Variants in PTPRD observed in about 807,000 individuals in gnomAD.
The protein encoded by PTPRD is protein tyrosine phosphatase receptor type D, also known as receptor-type tyrosine-protein phosphatase delta.
A neutral mutation model predicts 214.5 loss-of-function variants in PTPRD; 34 were observed. That is an observed-to-expected ratio of 0.16 (90% CI 0.12 to 0.21). PTPRD has a LOEUF of 0.21. Among genes scored for constraint, PTPRD ranks in the 10% least tolerant of loss-of-function variants. PTPRD has a pLI of 1.00. For synonymous variants in PTPRD, 1,128 were observed against 845.7 expected, an observed-to-expected ratio of 1.33 and a Z score of -5.79; for missense variants, 2,545 against 2,398.7, an observed-to-expected ratio of 1.06 and a Z score of -1.27.
At chr9:10,511,938 ATATATATACGTGTGTG>A (rs1260880806) in intron 2 of PTPRD, among the ~76,000 whole-genome samples, 19 of 70,302 alleles carry the variant, frequency 2.7e-4, no homozygotes, top group East Asian at 2.5e-3. Context: ...ATACGTGTAT[ATATATATACGTGTGTG>A]TATATATATA....
chr9:8,652,327 G>C (rs1276352197), intron 12 of PTPRD, among the ~76,000 whole-genome samples: 3 of 152,078 alleles, frequency 2.0e-5, no homozygotes, highest in Non-Finnish European at 2.9e-5. Flanking sequence ...ATTTAAGTTG[G>C]TTTTGTGACA....
intron 3 of PTPRD, among the ~76,000 whole-genome samples, chr9:10,140,470 C>A (rs7466436): frequency 6.6e-6 from 1 of 151,942 alleles, no homozygotes; most frequent in Non-Finnish European, 1.5e-5. Flanking sequence ...AGTATAAACA[C>A]CTCTACGCAA....
At chr9:8,457,304 C>G (rs533205273) in intron 33 of PTPRD, among the ~76,000 whole-genome samples, 1 of 152,144 alleles carries the variant, frequency 6.6e-6, no homozygotes, top group East Asian at 1.9e-4. Context: ...ACTATCTTAT[C>G]TCTGGAATGT....
chr9:9,022,934 G>A (rs1248858905), intron 10 of PTPRD, among the ~76,000 whole-genome samples: 1 of 152,084 alleles, frequency 6.6e-6, no homozygotes, highest in African/African-American at 2.4e-5. Context: ...TTTCATGGCT[G>A]GCATGACTGG....
chr9:8,827,035 C>T (rs1186268623), intron 11 of PTPRD, among the ~76,000 whole-genome samples: 1 of 151,994 alleles, frequency 6.6e-6, no homozygotes, highest in Non-Finnish European at 1.5e-5. Context: ...TCTACCCCTA[C>T]ACACACACAT....
At chr9:9,963,321 G>A (rs1168484161) in intron 4 of PTPRD, among the ~76,000 whole-genome samples, 2 of 151,928 alleles carry the variant, frequency 1.3e-5, no homozygotes, top group African/African-American at 4.8e-5. Flanking sequence ...AGTCTATTTG[G>A]CACTCAATAG....
In PTPRD at chr9:9,244,762, C is replaced by A. The variant is rs574026700; in HGVS notation, c.-202-61399G>T. ...ATGTCTAAAACACCAAAAGCAATGG[C>A]AACAAAAGCCAAAATTGACAAATGG... is the stretch of plus-strand genomic sequence containing the variant. On this transcript the variant is annotated intron_variant, in intron 9 of 45. Transcript: ENST00000381196. Among the ~76,000 whole-genome samples the A allele has an allele frequency of 1.7e-3, 255 of 152,130 alleles. 1 individual carries two copies. Among genetic ancestry groups the A allele is most frequent in the African/African-American group, 6.0e-3 (247 of 41,512 alleles).
intron 3 of PTPRD, among the ~76,000 whole-genome samples, chr9:10,282,390 T>C (rs1310174825): frequency 1.3e-5 from 2 of 152,168 alleles, no homozygotes; most frequent in Non-Finnish European, 2.9e-5. Flanking sequence ...GAAACAAGGA[T>C]ACTTTTTCAC....
chr9:8,694,338 A>C (rs2097864094), intron 12 of PTPRD, among the ~76,000 whole-genome samples: 1 of 152,152 alleles, frequency 6.6e-6, no homozygotes, highest in African/African-American at 2.4e-5. Context: ...CAGAATCCAT[A>C]GAGGTATCCA....
chr9:9,341,255 C>T (rs377529788), intron 9 of PTPRD, among the ~76,000 whole-genome samples: 3 of 152,066 alleles, frequency 2.0e-5, no homozygotes, highest in African/African-American at 7.2e-5. Context: ...TATTTAACCT[C>T]CATCTGTAGG....
At chr9:9,575,879 G>C (rs959983266) in intron 7 of PTPRD, among the ~76,000 whole-genome samples, 3 of 151,492 alleles carry the variant, frequency 2.0e-5, no homozygotes, top group Admixed American at 2.0e-4. Flanking sequence ...CATCAAGTTT[G>C]TTTAATGCTT....
Position 8,851,774 on chromosome 9 carries a change from A to C in PTPRD, c.-103-117828T>G, listed in dbSNP as rs142173227. 1.9e-4 allele frequency among the ~76,000 whole-genome samples: 29 copies of C among 152,294 alleles called. No individual in the cohort carries two copies. In the East Asian group the frequency reaches 4.8e-3, roughly 25 times the overall value. ...CTCCATTTTACAGATGATGAAACTAAGATTCTGAAATGTTTTATCATTTCC... is the reference window on the plus strand; with the variant it reads ...CTCCATTTTACAGATGATGAAACTACGATTCTGAAATGTTTTATCATTTCC... On this transcript the variant is annotated intron_variant, in intron 11 of 45. Transcript: ENST00000381196.
rs142791365 is a variant in PTPRD, at chr9:10,320,440, C to G, written c.-545+20523G>C. 3.3e-3 allele frequency among the ~76,000 whole-genome samples: 503 copies of G among 152,092 alleles called. 5 individuals carry two copies. The highest frequency in any genetic ancestry group is 0.012 in the African/African-American group (480 of 41,524). Reference sequence around the variant, plus strand: ...CTCCTAAAAAGGTAGAATAAAGCATCATTATTTTTTAGTCAACTGCTTTGT... The same window carrying G: ...CTCCTAAAAAGGTAGAATAAAGCATGATTATTTTTTAGTCAACTGCTTTGT... On this transcript the variant is annotated intron_variant, in intron 3 of 45. Coordinates refer to ENST00000381196, the MANE Select transcript of PTPRD (RefSeq NM_002839.4).
At chr9:8,647,831 T>C (rs2096727609) in intron 12 of PTPRD, among the ~76,000 whole-genome samples, 1 of 152,126 alleles carries the variant, frequency 6.6e-6, no homozygotes, top group South Asian at 2.1e-4. Flanking sequence ...CTGTCCAAAA[T>C]AATGAATTGC....
At chr9:10,082,115 C>A (rs1029681772) in intron 3 of PTPRD, among the ~76,000 whole-genome samples, 4 of 152,062 alleles carry the variant, frequency 2.6e-5, no homozygotes, top group Non-Finnish European at 5.9e-5. Flanking sequence ...AAATGAACCT[C>A]TTCATTATAA....
At chr9:10,378,280 T>C (rs753239365) in intron 2 of PTPRD, among the ~76,000 whole-genome samples, 1 of 152,066 alleles carries the variant, frequency 6.6e-6, no homozygotes, top group Non-Finnish European at 1.5e-5. Context: ...TTTACTTTGT[T>C]AATGGTCTCC....
intron 2 of PTPRD, among the ~76,000 whole-genome samples, chr9:10,444,611 A>C (rs916673183): frequency 6.6e-6 from 1 of 151,864 alleles, no homozygotes; most frequent in Non-Finnish European, 1.5e-5. Flanking sequence ...ATTATATGAA[A>C]TATAAAGGAA....
intron 43 of PTPRD, 125 bp from the exon 44 acceptor site, chr9:8,331,861 CATGTTTAAAT>C: frequency 8.6e-7 from 1 of 1,167,642 alleles, no homozygotes; most frequent in South Asian, 1.8e-5. Flanking sequence ...AAGTTAGGAA[CATGTTTAAAT>C]AGAAACTTAG....
intron 3 of PTPRD, among the ~76,000 whole-genome samples, chr9:10,150,683 A>G (rs2099054975): frequency 6.6e-6 from 1 of 151,814 alleles, no homozygotes; most frequent in Admixed American, 6.6e-5. Flanking sequence ...AAAATGAAAA[A>G]AATAATAATC....
Sources: allele counts gnomAD v4.1 joint callset (sites outside exome capture counted in the v4.1 genomes callset), GRCh38; gene constraint gnomAD v4.1.1; transcripts MANE v1.5; gene names NCBI Gene and HGNC (gene_info 2026-07-23, HGNC 2026-07-21).